EML1: variants seen among roughly 807,000 people sequenced by gnomAD.
EML1 encodes the protein EMAP like 1, also known as echinoderm microtubule-associated protein-like 1.
Under a neutral mutation model 110.4 loss-of-function variants are expected in EML1, and 27 were observed. The observed-to-expected ratio is 0.24, with a 90% CI of 0.18 to 0.34. The LOEUF (loss-of-function observed/expected upper bound fraction) is 0.34, where lower values mean the gene tolerates loss of function less well. Among genes scored for constraint, EML1 ranks in the 10% least tolerant of loss-of-function variants. The pLI, the probability that EML1 is intolerant of heterozygous loss-of-function variation, is 1.00. For synonymous variants in EML1, 344 were observed against 385.8 expected (o/e 0.89, Z 1.27); for missense variants, 741 against 1,030.9 (o/e 0.72, Z 3.85).
chr14:99,802,476 A>G (rs915530298), intron 1 of EML1, among the ~76,000 whole-genome samples: 1 of 151,852 alleles, frequency 6.6e-6, no homozygotes, highest in Non-Finnish European at 1.5e-5. Context: ...GGGAGAGGCA[A>G]TGGTGATTCA....
intron 2 of EML1, among the ~76,000 whole-genome samples, chr14:99,859,457 C>T (rs973152753): frequency 1.3e-5 from 2 of 152,180 alleles, no homozygotes; most frequent in African/African-American, 2.4e-5. Flanking sequence ...ACGCTTCTCA[C>T]ATGAATGAAA....
intron 1 of EML1, among the ~76,000 whole-genome samples, chr14:99,754,300 G>T (rs1260965943): frequency 6.6e-6 from 1 of 152,222 alleles, no homozygotes; most frequent in Admixed American, 6.5e-5. Flanking sequence ...GCTTGGCGGG[G>T]TCGGCCAGGG....
intron 2 of EML1, among the ~76,000 whole-genome samples, chr14:99,853,060 A>T (rs538892672): frequency 1.3e-4 from 20 of 152,250 alleles, no homozygotes; most frequent in Non-Finnish European, 1.6e-4. Context: ...CCTTATTTTT[A>T]GAAAACTACA....
chr14:99,817,499 C>G (rs1050639295), intron 1 of EML1, among the ~76,000 whole-genome samples: 2 of 152,190 alleles, frequency 1.3e-5, no homozygotes, highest in Non-Finnish European at 2.9e-5. Context: ...GCCCAGGTGC[C>G]GCCACCATGG....
intron 1 of EML1, among the ~76,000 whole-genome samples, chr14:99,750,753 T>C (rs911918): frequency 0.55 from 83,710 of 151,856 alleles, 24,694 homozygotes; most frequent in Admixed American, 0.64. Context: ...GGATGGGTTC[T>C]AGGTGGAGTC....
In EML1 at chr14:99,936,266, C is replaced by T. The variant is rs1450662564; in HGVS notation, c.2027C>T (p.Thr676Ile). 1 of 1,614,124 alleles carries T rather than the reference C, an allele frequency of 6.2e-7. No homozygotes were observed. ...GKCSGHSSFI[T>I]HLDWSVNSQF... ...TCCCAGGGTCATTCCAGCTTCATTA[C>T]TCACCTGGACTGGTCTGTAAACTCA... is the stretch of plus-strand genomic sequence containing the variant. The change falls in exon 19 of 22, where the codon ACT (threonine) becomes ATT (isoleucine). Residue 676 changes from threonine (T) to isoleucine (I), a missense_variant. Thr to Ile is a moderately conservative substitution (Grantham distance 89, BLOSUM62 -1). Around this residue, in one of 4 missense-constraint regions of EML1, gnomAD observed 388 missense variants for 605.6 expected, o/e 0.64. Coordinates refer to ENST00000262233, the MANE Select transcript of EML1 (RefSeq NM_004434.3). This position sits in a 1 kb window ranked among gnomAD's most constrained non-coding sequence, Gnocchi z 5.5.
rs778696638 is a variant in EML1, at chr14:99,784,020, C to T, written c.-27+10007C>T. Among the ~76,000 whole-genome samples the T allele has an allele frequency of 3.3e-5, 5 of 152,188 alleles. No homozygotes were observed. The highest frequency in any genetic ancestry group is 4.8e-5 in the African/African-American group (2 of 41,450). On this transcript the variant is annotated intron_variant, in intron 1 of 22. Transcript: ENST00000327921. The surrounding 1 kb of genome is among the most constrained non-coding windows in gnomAD (Gnocchi z 4.5). ...TTGGAAATTCATTTGCAATCTACTGCGGTGCCCGCACTATTGCATGAATTA... is the reference window on the plus strand; with the variant it reads ...TTGGAAATTCATTTGCAATCTACTGTGGTGCCCGCACTATTGCATGAATTA...
chr14:99,833,212 T>C (rs180761250), intron 1 of EML1, among the ~76,000 whole-genome samples: 58 of 152,316 alleles, frequency 3.8e-4, no homozygotes, highest in Admixed American at 8.5e-4. Flanking sequence ...GAGGTTCTTT[T>C]GTGTGTGTGG....
chr14:99,750,938 G>A (rs991442544), intron 1 of EML1, among the ~76,000 whole-genome samples: 5 of 152,144 alleles, frequency 3.3e-5, no homozygotes, highest in African/African-American at 1.2e-4. Flanking sequence ...ATGCTCCACA[G>A]GCATTAGCTC....
intron 1 of EML1, among the ~76,000 whole-genome samples, chr14:99,786,680 C>A (rs928348420): frequency 6.6e-6 from 1 of 152,194 alleles, no homozygotes; most frequent in Non-Finnish European, 1.5e-5. Flanking sequence ...GAGGAGCTTT[C>A]GGATAGCACA....
intron 8 of EML1, among the ~76,000 whole-genome samples, chr14:99,899,024 A>C (rs1283199535): frequency 6.6e-6 from 1 of 152,158 alleles, no homozygotes; most frequent in African/African-American, 2.4e-5. Flanking sequence ...TAACCCGTGA[A>C]GTTTGTGTCT....
intron 1 of EML1, among the ~76,000 whole-genome samples, chr14:99,755,953 GA>G (rs1422928895): frequency 2.0e-5 from 3 of 152,194 alleles, no homozygotes; most frequent in Non-Finnish European, 4.4e-5. Flanking sequence ...TAAGCTCAAG[GA>G]ACCCGCCCAG....
chr14:99,752,606 C>T (rs560803676), intron 1 of EML1, among the ~76,000 whole-genome samples: 1 of 152,190 alleles, frequency 6.6e-6, no homozygotes, highest in African/African-American at 2.4e-5. Context: ...GGAGAGGGTG[C>T]TGTCCCAGGG....
At chr14:99,803,559 G>A (rs1313741364) in intron 1 of EML1, among the ~76,000 whole-genome samples, 2 of 152,144 alleles carry the variant, frequency 1.3e-5, no homozygotes, top group African/African-American at 4.8e-5. Context: ...GACAAAACTT[G>A]CCACCACAGT....
intron 1 of EML1, among the ~76,000 whole-genome samples, chr14:99,780,239 G>A (rs536488437): frequency 6.6e-6 from 1 of 151,966 alleles, no homozygotes; most frequent in African/African-American, 2.4e-5. Flanking sequence ...TTGGGGGTTG[G>A]GTTTTCAGTG....
At chr14:99,797,938 G>A (rs2057804877) in intron 1 of EML1, among the ~76,000 whole-genome samples, 1 of 152,180 alleles carries the variant, frequency 6.6e-6, no homozygotes, top group Non-Finnish European at 1.5e-5. Flanking sequence ...CCTCCAGCTT[G>A]AAATCTCTGC....
At chr14:99,885,132 A>G (rs1435139966) in intron 4 of EML1, among the ~76,000 whole-genome samples, 1 of 152,240 alleles carries the variant, frequency 6.6e-6, no homozygotes, top group Non-Finnish European at 1.5e-5. Context: ...CTTGGTGAAC[A>G]TGAGTGCTCA....
chr14:99,909,602 G>T, intron 11 of EML1, 123 bp downstream of exon 11: 1 of 1,257,310 alleles, frequency 8.0e-7, no homozygotes, highest in South Asian at 1.4e-5. Flanking sequence ...GTTGGGAAGC[G>T]TGTCACACCT....
rs1355530362 is a variant in EML1, at chr14:99,891,286, G to A, written c.547+59G>A. ...TCACTCACTCTCTCAGAACTCAAGG[G>A]ACAGAAAAGAAGTAGCCAGCTTCAG... is the stretch of plus-strand genomic sequence containing the variant. On this transcript the variant is annotated intron_variant, in intron 5 of 21. Transcript: ENST00000262233. The A allele has an allele frequency of 3.1e-6, 5 of 1,608,804 alleles. No individual in the cohort carries two copies. The African/African-American group carries it at 4.0e-5, about 13-fold the overall frequency.
Sources: allele counts gnomAD v4.1 joint callset (sites outside exome capture counted in the v4.1 genomes callset), GRCh38; gene constraint gnomAD v4.1.1; regional missense constraint gnomAD v4.1.1; non-coding constraint Gnocchi (gnomAD v3.1); transcripts MANE v1.5; gene names NCBI Gene and HGNC (gene_info 2026-07-23, HGNC 2026-07-21).